The following CEP104 variants were observed in gnomAD, a reference collection of about 807,000 sequenced individuals.
CEP104 encodes the protein centrosomal protein 104, also known as centrosomal protein of 104 kDa.
Under a neutral mutation model 113.3 loss-of-function variants are expected in CEP104, and 84 were observed. That is an observed-to-expected ratio of 0.74 (90% confidence interval 0.62 to 0.89). CEP104 has a LOEUF of 0.89. Among genes scored for constraint, CEP104 ranks in the 40% least tolerant of loss-of-function variants. The probability of loss-of-function intolerance (pLI) is 0.00; values close to 1 mark genes in which losing one functional copy is unlikely to be tolerated. For synonymous variants in CEP104, 378 were observed against 421.7 expected (o/e 0.90, Z 1.27); for missense variants, 1,053 against 1,156.6 (o/e 0.91, Z 1.30).
At chr1:3,852,165 T>G in intron 2 of CEP104, 130 bp downstream of exon 2, 2 of 813,272 alleles carry the variant, frequency 2.5e-6, no homozygotes, top group Non-Finnish European at 3.7e-6. Context: ...TGACACTGCA[T>G]GCTGACATCC....
At chr1:3,817,993 G>A (rs973277528) in intron 20 of CEP104, among the ~76,000 whole-genome samples, 6 of 152,250 alleles carry the variant, frequency 3.9e-5, no homozygotes, top group African/African-American at 9.6e-5. Context: ...AGGCACACGC[G>A]TGTGTGAGCC....
At chr1:3,822,114 G>C (rs1320779476) in intron 20 of CEP104, among the ~76,000 whole-genome samples, 1 of 152,068 alleles carries the variant, frequency 6.6e-6, no homozygotes, top group East Asian at 1.9e-4. Context: ...GAAACAAGAC[G>C]GGCTGAGTTG....
chr1:3,847,307 C>T (rs1051267802), intron 4 of CEP104, among the ~76,000 whole-genome samples, 168 bp downstream of exon 4: 15 of 151,052 alleles, frequency 9.9e-5, no homozygotes, highest in African/African-American at 3.5e-4. Flanking sequence ...CACGTGTGCC[C>T]AGAGGCTGCT....
intron 6 of CEP104, among the ~76,000 whole-genome samples, chr1:3,841,975 T>C (rs1644421020): frequency 6.6e-6 from 1 of 152,230 alleles, no homozygotes; most frequent in African/African-American, 2.4e-5. Flanking sequence ...TCAGCGCTCC[T>C]TCCCCACAGT....
intron 1 of CEP104, among the ~76,000 whole-genome samples, chr1:3,853,119 AC>A (rs1644648696): frequency 6.6e-6 from 1 of 152,230 alleles, no homozygotes; most frequent in Admixed American, 6.5e-5. Context: ...TAGTTAGGAA[AC>A]TAATACAACC....
Position 3,823,063 on chromosome 1 carries a change from T to C in CEP104, c.2571+111A>G. The C allele has an allele frequency of 1.0e-6, 1 of 973,026 alleles. No homozygotes were observed. The highest frequency in any genetic ancestry group is 1.6e-6 in the Non-Finnish European group (1 of 612,582). 60.3% of individuals were successfully genotyped at this position (973,026 alleles called of 1,614,324 possible). A position where few individuals can be genotyped will look rare whatever the true frequency, so the allele number is the denominator to read the frequency against. On this transcript the variant is annotated intron_variant, in intron 20 of 21. Coordinates refer to ENST00000378230, the MANE Select transcript of CEP104 (RefSeq NM_014704.4). This position sits in a 1 kb window ranked among gnomAD's most constrained non-coding sequence, Gnocchi z 4.1. ...ACGCTGTCCCCTCCCTGAACACTCA[T>C]GTACTGTACTCTGTGGCTATGGTCC...
intron 2 of CEP104, among the ~76,000 whole-genome samples, chr1:3,851,942 CA>C (rs1197685853): frequency 1.3e-5 from 2 of 151,942 alleles, no homozygotes; most frequent in African/African-American, 4.8e-5. Context: ...ACTGTAAAAG[CA>C]AAAAAAGCTG....
rs13374773 is a variant in CEP104 at position 3,857,169 on chromosome 1, C to A, written c.-295G>T. On this transcript the variant is annotated 5_prime_UTR_variant, in exon 1 of 22. Transcript: ENST00000378230. ...AGACCCGGCCACCTCTGCCCATAGCCCCGGCCGCAGCCTCCACTCTCATGA... is the reference window on the plus strand; with the variant it reads ...AGACCCGGCCACCTCTGCCCATAGCACCGGCCGCAGCCTCCACTCTCATGA... The A allele has an allele frequency of 0.32, 49,581 of 155,182 alleles. 8,764 individuals are homozygous for A. Among genetic ancestry groups the A allele is most frequent in the African/African-American group, 0.48 (19,782 of 41,608 alleles). 9.6% of individuals were successfully genotyped at this position (155,182 alleles called of 1,614,324 possible). A position where few individuals can be genotyped will look rare whatever the true frequency, so the allele number is the denominator to read the frequency against.
Sources: allele counts gnomAD v4.1 joint callset (sites outside exome capture counted in the v4.1 genomes callset), GRCh38; gene constraint gnomAD v4.1.1; non-coding constraint Gnocchi (gnomAD v3.1); transcripts MANE v1.5; gene names NCBI Gene and HGNC (gene_info 2026-07-23, HGNC 2026-07-21).